The following GLYR1 variants were observed in gnomAD, a reference collection of about 807,000 sequenced individuals.
The protein encoded by GLYR1 is glyoxylate reductase 1 homolog.
GLYR1 carries 21 observed loss-of-function variants against 72.7 expected under a neutral mutation model. That is an observed-to-expected ratio of 0.29 (90% CI 0.20 to 0.42). The LOEUF is 0.42. Ranked by LOEUF, GLYR1 falls within the 10% of genes least tolerant of loss-of-function variation. GLYR1 has a pLI of 1.00. For synonymous variants in GLYR1, 392 were observed against 270.2 expected (o/e 1.45, Z -4.42); for missense variants, 594 against 712.1 (o/e 0.83, Z 1.89).
chr16:4,827,308 C>T (rs925678032), intron 5 of GLYR1, among the ~76,000 whole-genome samples: 1 of 152,192 alleles, frequency 6.6e-6, no homozygotes, highest in Non-Finnish European at 1.5e-5. Flanking sequence ...TCTGAGACTA[C>T]GGGATGTATC....
At chr16:4,829,244 G>T (rs575646697) in intron 5 of GLYR1, among the ~76,000 whole-genome samples, 4 of 152,100 alleles carry the variant, frequency 2.6e-5, no homozygotes, top group African/African-American at 9.6e-5. Flanking sequence ...ATGGCCCCAA[G>T]ACATATTTTT....
rs555269107 is a variant in GLYR1 at position 4,838,921 on chromosome 16, C to G, written c.156-6009G>C. Reference sequence around the variant, plus strand: ...CTTTTTTAAAAGACAGGGTCCTGCTCTGTCACCCAGGCTGGAATACAGTGC... The same window carrying G: ...CTTTTTTAAAAGACAGGGTCCTGCTGTGTCACCCAGGCTGGAATACAGTGC... On this transcript the variant is annotated intron_variant, in intron 3 of 15. Transcript: ENST00000321919. Among the ~76,000 whole-genome samples, 119 of 152,240 alleles carry G rather than the reference C, an allele frequency of 7.8e-4. 1 individual carries two copies. Among genetic ancestry groups the G allele is most frequent in the South Asian group, 1.7e-3 (8 of 4,828 alleles).
Position 4,832,001 on chromosome 16 carries a change from C to G in GLYR1, c.515G>C (p.Gly172Ala). 1 of 1,613,854 alleles carries G rather than the reference C, an allele frequency of 6.2e-7. No homozygotes were observed. The highest frequency in any genetic ancestry group is 1.1e-5 in the South Asian group (1 of 91,044). Residue 172 changes from glycine (G) to alanine (A), a missense_variant, in exon 5 of 16, where the codon GGT (glycine) becomes GCT (alanine). By Grantham distance (60) the Gly-to-Ala change is moderately conservative. Around this residue, in one of 5 missense-constraint regions of GLYR1, gnomAD observed 252 missense variants for 211.3 expected, o/e 1.19. Transcript: ENST00000321919. ...RAQEQSPRKR[G>A]RPPKDEKDLT... ...AACCTTCTCATCCTTTGGGGGCCGA[C>G]CCCGCTTCCGGGGACTTTGCTCTTG...
chr16:4,831,612 G>A (rs554234754), intron 5 of GLYR1, among the ~76,000 whole-genome samples: 2 of 152,274 alleles, frequency 1.3e-5, no homozygotes, highest in African/African-American at 4.8e-5. Flanking sequence ...CCTGCCTCGC[G>A]CTCCTACTTT....
chr16:4,826,391 C>G (rs1021857882), intron 5 of GLYR1, among the ~76,000 whole-genome samples: 1 of 152,148 alleles, frequency 6.6e-6, no homozygotes, highest in Non-Finnish European at 1.5e-5. Flanking sequence ...TGGGAGTGAG[C>G]CACTGTGCCT....
At position 4,811,438 on chromosome 16, in the gene GLYR1, G is replaced by T. The variant is rs1226798178; in HGVS notation, c.1463-144C>A. ...CCTCTTGGCTCCTCACTCACCCTTA[G>T]ACACCTGAGGGCTGCAGCTCCCAGC... is the stretch of plus-strand genomic sequence containing the variant. On this transcript the variant is annotated intron_variant, in intron 14 of 15. Coordinates refer to ENST00000321919, the MANE Select transcript of GLYR1 (RefSeq NM_032569.4). 4.6e-6 allele frequency: 6 copies of T among 1,291,122 alleles called. No individual in the cohort carries two copies. The East Asian group carries it at 1.2e-4, about 26-fold the overall frequency. 80.0% of individuals were successfully genotyped at this position (1,291,122 alleles called of 1,614,324 possible). A position where few individuals can be genotyped will look rare whatever the true frequency, so the allele number is the denominator to read the frequency against.
At chr16:4,809,398 G>C (rs1269277450) in intron 15 of GLYR1, among the ~76,000 whole-genome samples, 1 of 151,080 alleles carries the variant, frequency 6.6e-6, no homozygotes, top group Non-Finnish European at 1.5e-5. Context: ...CAACATCTTG[G>C]TCAGGAGAAT....
At chr16:4,833,104 A>T in intron 3 of GLYR1, 192 bp from the exon 4 acceptor site, 1 of 455,300 alleles carries the variant, frequency 2.2e-6, no homozygotes, top group Non-Finnish European at 3.8e-6. Context: ...TCTTGAAACA[A>T]GTCAAGCAGA....
chr16:4,822,644 C>G (rs1188962320), intron 7 of GLYR1, among the ~76,000 whole-genome samples: 1 of 152,246 alleles, frequency 6.6e-6, no homozygotes, highest in Non-Finnish European at 1.5e-5. Flanking sequence ...CTGCCTCAGC[C>G]TCCCAAAGTA....
At chr16:4,817,399 G>A (rs556261450) in intron 10 of GLYR1, among the ~76,000 whole-genome samples, 199 bp downstream of exon 10, 1 of 152,128 alleles carries the variant, frequency 6.6e-6, no homozygotes, top group Admixed American at 6.6e-5. Flanking sequence ...GATTACAGGA[G>A]TGAGCCACCG....
In GLYR1 at chr16:4,823,820, C is replaced by T. The variant is rs1454214259; in HGVS notation, c.624+1G>A. On this transcript the variant is annotated splice_donor_variant, in intron 6 of 15. Coordinates refer to ENST00000321919, the MANE Select transcript of GLYR1 (RefSeq NM_032569.4). LOFTEE classifies it high-confidence loss of function. ...GTCCTGCCTGCAGGAGAGCTCCTTA[C>T]CTCGCTTGCGGTTGGCTGCCATTTA... 5.6e-6 allele frequency: 9 copies of T among 1,613,842 alleles called. No homozygotes were observed. The highest frequency in any genetic ancestry group is 6.8e-6 in the Non-Finnish European group (8 of 1,179,870).
At chr16:4,809,454 T>C (rs2141945375) in intron 15 of GLYR1, among the ~76,000 whole-genome samples, 1 of 149,154 alleles carries the variant, frequency 6.7e-6, no homozygotes, top group South Asian at 2.2e-4. Context: ...TTACTAAAAA[T>C]ACAAAAAATT....
chr16:4,822,825 C>T (rs753554803), intron 7 of GLYR1, 50 bp downstream of exon 7: 17 of 1,502,220 alleles, frequency 1.1e-5, no homozygotes, highest in Non-Finnish European at 1.6e-5. Flanking sequence ...TGGAGGAGCA[C>T]TCCTTGGCCA....
At chr16:4,839,115 A>C (rs1215594949) in intron 3 of GLYR1, 1 of 152,534 alleles carries the variant, frequency 6.6e-6, no homozygotes, top group Non-Finnish European at 1.5e-5. Flanking sequence ...TGAAGCTAAG[A>C]GAAAGAGAAA....
intron 5 of GLYR1, among the ~76,000 whole-genome samples, chr16:4,829,578 C>T (rs1223585952): frequency 1.3e-5 from 2 of 151,992 alleles, no homozygotes; most frequent in Non-Finnish European, 1.5e-5. Flanking sequence ...CCTCCACCTC[C>T]TGGGTTCAAG....
Position 4,804,477 on chromosome 16 carries a change from T to C in GLYR1, c.*759A>G, listed in dbSNP as rs1480652308. 6.5e-6 allele frequency: 1 copy of C among 152,938 alleles called. No homozygotes were observed. Among genetic ancestry groups the C allele is most frequent in the Non-Finnish European group, 1.5e-5 (1 of 68,272 alleles). 9.5% of individuals were successfully genotyped at this position (152,938 alleles called of 1,614,324 possible). A position where few individuals can be genotyped will look rare whatever the true frequency, so the allele number is the denominator to read the frequency against. ...GAGCGCCCGCTGTGGCAGTGGCATC[T>C]GGGGCATGGCTTCGAGGCGGTGAGG... On this transcript the variant is annotated 3_prime_UTR_variant, in exon 16 of 16. Transcript: ENST00000321919.
At chr16:4,838,476 A>G (rs1485080964) in intron 3 of GLYR1, among the ~76,000 whole-genome samples, 1 of 152,114 alleles carries the variant, frequency 6.6e-6, no homozygotes, top group Non-Finnish European at 1.5e-5. Flanking sequence ...CAGCTTCTCC[A>G]CTGTTTGTCC....
chr16:4,832,640 T>C (rs113352529), intron 4 of GLYR1, 134 bp downstream of exon 4: 2 of 1,085,552 alleles, frequency 1.8e-6, no homozygotes, highest in East Asian at 4.9e-5. Context: ...GCTGACACCT[T>C]AGAACTGAAG....
chr16:4,843,311 C>A (rs1344974751), intron 3 of GLYR1: 2 of 300,924 alleles, frequency 6.6e-6, no homozygotes, highest in Admixed American at 5.0e-5. Context: ...GACGCCAACA[C>A]TCCTGGCTAA....
Sources: gnomAD v4.1 joint callset for allele counts (sites outside exome capture counted in the v4.1 genomes callset) on GRCh38, gnomAD v4.1.1 for gene constraint, gnomAD v4.1.1 regional missense constraint, MANE v1.5 for transcripts, NCBI Gene and HGNC (gene_info 2026-07-23, HGNC 2026-07-21) for gene names.